Variants in AK4 observed in about 807,000 individuals in gnomAD.
AK4 encodes adenylate kinase 4, mitochondrial.
Under a neutral mutation model 24.6 loss-of-function variants are expected in AK4, and 13 were observed. The observed-to-expected ratio is 0.53, with a 90% CI of 0.34 to 0.84. The LOEUF is 0.84. Among genes scored for constraint, AK4 ranks in the 40% least tolerant of loss-of-function variants. The pLI is 0.01. For missense variants in AK4, 192 were observed against 288.2 expected (o/e 0.67, Z 2.42); for synonymous variants, 88 against 107.0 (o/e 0.82, Z 1.10).
Position 65,201,198 on chromosome 1 carries a change from G to A in AK4, c.265+10369G>A, listed in dbSNP as rs185266395. Among the ~76,000 whole-genome samples the A allele has an allele frequency of 2.6e-5, 4 of 152,178 alleles. No individual in the cohort carries two copies. In the East Asian group the frequency reaches 7.7e-4, roughly 29 times the overall value. ...TTTTTCTCTTAGTGACTTTTCCTAC[G>A]TTCTGCACCCTTGCTGTCAATATGA... On this transcript the variant is annotated intron_variant, in intron 2 of 4. Transcript: ENST00000327299.
chr1:65,156,425 G>A (rs975634963), intron 1 of AK4, among the ~76,000 whole-genome samples: 9 of 151,968 alleles, frequency 5.9e-5, no homozygotes, highest in African/African-American at 2.2e-4. Flanking sequence ...TTAGATAGTG[G>A]TTTCCATCAG....
At chr1:65,172,062 A>AGT (rs1553122923) in intron 1 of AK4, among the ~76,000 whole-genome samples, 7 of 29,932 alleles carry the variant, frequency 2.3e-4, no homozygotes, top group Admixed American at 1.7e-3. Context: ...CTCCATCTCA[A>AGT]GTATATATAT....
chr1:65,167,473 T>TA (rs1348677667), intron 1 of AK4, among the ~76,000 whole-genome samples: 1 of 151,146 alleles, frequency 6.6e-6, no homozygotes, highest in Admixed American at 6.6e-5. Flanking sequence ...TTTTTTTTTT[T>TA]ACACTTGTAT....
In AK4 at chr1:65,227,348, A is replaced by G. The variant is rs1291065361; in HGVS notation, c.*1171A>G. On this transcript the variant is annotated 3_prime_UTR_variant, in exon 5 of 5. Coordinates refer to ENST00000327299, the MANE Select transcript of AK4 (RefSeq NM_013410.4). ...TGTACTAGCTGTGCCTGGACTGAGTATAACAGCTTTATGATTATGAGAAAA... is the reference window on the plus strand; with the variant it reads ...TGTACTAGCTGTGCCTGGACTGAGTGTAACAGCTTTATGATTATGAGAAAA... 1.3e-5 allele frequency: 2 copies of G among 152,134 alleles called. No individual in the cohort carries two copies. Among genetic ancestry groups the G allele is most frequent in the Non-Finnish European group, 2.9e-5 (2 of 67,968 alleles). 9.4% of individuals were successfully genotyped at this position (152,134 alleles called of 1,614,324 possible). A position where few individuals can be genotyped will look rare whatever the true frequency, so the allele number is the denominator to read the frequency against.
At chr1:65,184,136 T>C (rs1034947249) in intron 1 of AK4, among the ~76,000 whole-genome samples, 3 of 152,356 alleles carry the variant, frequency 2.0e-5, no homozygotes, top group Admixed American at 6.5e-5. Context: ...ACCAAGATTA[T>C]ATCTATTTGA....
rs1361492510 is a variant in AK4 at position 65,226,333 on chromosome 1, G to A, written c.*156G>A. On this transcript the variant is annotated 3_prime_UTR_variant, in exon 5 of 5. Transcript: ENST00000327299. ...ATAGGAAAACAAATGAGTAGAAAGA[G>A]TTCATGAAGAGGCCCTCCTCTGCCT... 1.2e-6 allele frequency: 1 copy of A among 868,732 alleles called. No homozygotes were observed. The highest frequency in any genetic ancestry group is 1.7e-5 in the African/African-American group (1 of 58,560). 53.8% of individuals were successfully genotyped at this position (868,732 alleles called of 1,614,324 possible). A position where few individuals can be genotyped will look rare whatever the true frequency, so the allele number is the denominator to read the frequency against.
At chr1:65,218,023 G>T (rs959107274) in intron 2 of AK4, among the ~76,000 whole-genome samples, 5 of 152,110 alleles carry the variant, frequency 3.3e-5, no homozygotes, top group Non-Finnish European at 4.4e-5. Flanking sequence ...GATTTCTTAT[G>T]TGTGTGGCGA....
At chr1:65,203,737 G>A (rs904817582) in intron 2 of AK4, among the ~76,000 whole-genome samples, 2 of 152,068 alleles carry the variant, frequency 1.3e-5, no homozygotes, top group Admixed American at 1.3e-4. Context: ...CCTGGGAGGC[G>A]GAGGTTGCAG....
intron 1 of AK4, among the ~76,000 whole-genome samples, chr1:65,167,754 C>T (rs529588405): frequency 6.6e-6 from 1 of 152,310 alleles, no homozygotes; most frequent in South Asian, 2.1e-4. Context: ...AGCTAACTCG[C>T]CTTCTCTGGA....
chr1:65,222,486 G>A (rs925303110), intron 3 of AK4, among the ~76,000 whole-genome samples: 1 of 152,184 alleles, frequency 6.6e-6, no homozygotes, highest in East Asian at 1.9e-4. Context: ...GTCAGTGGTA[G>A]CCGGATTCCC....
chr1:65,157,816 G>T (rs561347404), intron 1 of AK4, among the ~76,000 whole-genome samples: 1 of 152,130 alleles, frequency 6.6e-6, no homozygotes, highest in Non-Finnish European at 1.5e-5. Flanking sequence ...AACTGAGGCT[G>T]CAAGATGTGC....
Position 65,148,468 on chromosome 1 carries a change from G to A in AK4, c.61G>A (p.Val21Met). Residue 21 changes from valine to methionine, a missense_variant, in exon 1 of 5, where the codon GTG becomes ATG. By Grantham distance (21) the Val-to-Met change is conservative. Coordinates refer to ENST00000327299, the MANE Select transcript of AK4 (RefSeq NM_013410.4). ...LGPPGSGKGT[V>M]CQRIAQNFGL... ...GCCGCCCGGCTCGGGCAAGGGCACC[G>A]TGTGCCAGAGGATCGCCCAGAACTT... The A allele has an allele frequency of 1.3e-6, 2 of 1,575,544 alleles. No homozygotes were observed. Among genetic ancestry groups the A allele is most frequent in the Non-Finnish European group, 1.7e-6 (2 of 1,161,896 alleles).
intron 1 of AK4, among the ~76,000 whole-genome samples, chr1:65,177,498 A>C (rs1196346347): frequency 6.6e-6 from 1 of 152,230 alleles, no homozygotes; most frequent in Non-Finnish European, 1.5e-5. Context: ...TTTGTTGGTG[A>C]AGCCTTGTAC....
In AK4 at chr1:65,230,027, A is replaced by G. The variant is rs1236898787; in HGVS notation, c.*3850A>G. ...TGTACCATTGTCTATTCCATTACAC[A>G]TTAACATGACTCTGAATGCCAGATC... On this transcript the variant is annotated 3_prime_UTR_variant, in exon 5 of 5. Coordinates refer to ENST00000327299, the MANE Select transcript of AK4 (RefSeq NM_013410.4). 1.3e-5 allele frequency: 2 copies of G among 152,224 alleles called. No homozygotes were observed. Among genetic ancestry groups the G allele is most frequent in the Non-Finnish European group, 2.9e-5 (2 of 68,044 alleles). 9.4% of individuals were successfully genotyped at this position (152,224 alleles called of 1,614,324 possible). A position where few individuals can be genotyped will look rare whatever the true frequency, so the allele number is the denominator to read the frequency against.
chr1:65,175,135 C>T (rs1347374321), intron 1 of AK4, among the ~76,000 whole-genome samples: 1 of 152,212 alleles, frequency 6.6e-6, no homozygotes, highest in East Asian at 1.9e-4. Flanking sequence ...TGTTTCATTA[C>T]TGTTGCCACT....
At chr1:65,222,519 T>G (rs1281529005) in intron 3 of AK4, among the ~76,000 whole-genome samples, 3 of 152,226 alleles carry the variant, frequency 2.0e-5, no homozygotes, top group Non-Finnish European at 1.5e-5. Flanking sequence ...ACGCTGTTGC[T>G]CTAGCATCAT....
chr1:65,148,068 C>G, upstream of AK4: 1 of 260,538 alleles, frequency 3.8e-6, no homozygotes, highest in Admixed American at 5.3e-5. Context: ...GTGGGACTGG[C>G]CGGGCCGACC....
intron 1 of AK4, among the ~76,000 whole-genome samples, chr1:65,181,145 A>ATGTGTTGG (rs1650889952): frequency 6.7e-6 from 1 of 149,980 alleles, no homozygotes. Context: ...GAGGATACAG[A>ATGTGTTGG]TGTGTGGGTG....
chr1:65,183,002 C>T (rs1248989456), intron 1 of AK4, among the ~76,000 whole-genome samples: 1 of 152,112 alleles, frequency 6.6e-6, no homozygotes, highest in East Asian at 1.9e-4. Flanking sequence ...AGTACCCAAT[C>T]CCAGTGTTTA....
Sources: allele counts gnomAD v4.1 joint callset (sites outside exome capture counted in the v4.1 genomes callset), GRCh38; gene constraint gnomAD v4.1.1; transcripts MANE v1.5; gene names NCBI Gene and HGNC (gene_info 2026-07-23, HGNC 2026-07-21).